The following ZNF41 variants were observed in gnomAD, a reference collection of about 807,000 sequenced individuals.
ZNF41 encodes zinc finger protein 41.
ZNF41 carries 6 observed loss-of-function variants against 9.3 expected under a neutral mutation model. That is an observed-to-expected ratio of 0.65 (90% CI 0.35 to 1.28). The LOEUF (loss-of-function observed/expected upper bound fraction) is 1.28. ZNF41 is among the 50% of genes most tolerant of loss of function. The pLI is 0.03. For missense variants in ZNF41, 523 were observed against 585.8 expected (o/e 0.89, Z 1.11); for synonymous variants, 192 against 207.1 (o/e 0.93, Z 0.63).
rs1057481267 is a variant in ZNF41, at chrX:47,446,868, T to G, written c.*562A>C. ...AAGAAAAAAGTTTTTCATGGAAATC[T>G]TTTCTATGTCTTAAGTGCCAATGAT... On this transcript the variant is annotated 3_prime_UTR_variant, in exon 5 of 5. Transcript: ENST00000684689. The G allele has an allele frequency of 2.7e-5, 3 of 112,625 alleles. No individual in the cohort carries two copies. The highest frequency in any genetic ancestry group is 9.8e-5 in the African/African-American group (3 of 30,739). 9.3% of individuals were successfully genotyped at this position (112,625 alleles called of 1,213,427 possible).
rs1411187228 is a variant in ZNF41 at position 47,445,981 on chromosome X, G to A, written c.*1449C>T. 1.8e-5 allele frequency: 2 copies of A among 111,165 alleles called. No individual in the cohort carries two copies. The highest frequency in any genetic ancestry group is 6.5e-5 in the African/African-American group (2 of 30,589). The allele number at this position is 111,165 out of a possible 1,213,427, so 9.2% of individuals were successfully genotyped here. On this transcript the variant is annotated 3_prime_UTR_variant, in exon 5 of 5. Transcript: ENST00000684689. ...GAAGCCAGGATAATGTATACCCTTGGGGGCTTGCCTGGAAGGGAAAGTGGG... is the reference window on the plus strand; with the variant it reads ...GAAGCCAGGATAATGTATACCCTTGAGGGCTTGCCTGGAAGGGAAAGTGGG...
intron 4 of ZNF41, among the ~76,000 whole-genome samples, chrX:47,452,883 C>G (rs1048600637): frequency 9.0e-6 from 1 of 111,704 alleles, no homozygotes; most frequent in East Asian, 2.8e-4. Context: ...TGAGCCACCA[C>G]GCCTGGCTGC....
chrX:47,475,722 C>T (rs973378766), intron 1 of ZNF41, among the ~76,000 whole-genome samples: 1 of 111,369 alleles, frequency 9.0e-6, no homozygotes, highest in African/African-American at 3.3e-5. Context: ...AGCTCCTACC[C>T]TATATACACC....
intron 1 of ZNF41, among the ~76,000 whole-genome samples, chrX:47,479,824 C>T (rs755131146): frequency 2.7e-5 from 3 of 111,325 alleles, no homozygotes; most frequent in Admixed American, 9.6e-5. Flanking sequence ...AGGCTGGGTG[C>T]GGTGGCTCAT....
chrX:47,456,129 A>G (rs1602867743), intron 3 of ZNF41, 113 bp from the exon 4 acceptor site: 1 of 1,056,534 alleles, frequency 9.5e-7, no homozygotes. Flanking sequence ...CTGGGAACAG[A>G]GTAATAATCA....
intron 2 of ZNF41, among the ~76,000 whole-genome samples, chrX:47,462,895 AT>A (rs1204365532): frequency 2.0e-4 from 18 of 91,779 alleles, no homozygotes; most frequent in East Asian, 3.4e-4. Flanking sequence ...TACCCGGCTG[AT>A]TTTTTTTTTG....
chrX:47,466,208 A>AT lies in ZNF41; in HGVS notation c.72+1201_72+1202insA, dbSNP rs199533354. Among the ~76,000 whole-genome samples the AT allele has an allele frequency of 5.7e-3, 635 of 110,688 alleles. 2 individuals are homozygous for AT. The highest frequency in any genetic ancestry group is 0.02 in the African/African-American group (608 of 30,406). ...AAGTTATAAAATGACCAAAAAAAAA[A>AT]ATTTAAAAGTTTAATATTATCCTAA... On this transcript the variant is annotated intron_variant, in intron 2 of 4. Transcript: ENST00000684689.
At chrX:47,453,861 C>A (rs753081320) in intron 4 of ZNF41, among the ~76,000 whole-genome samples, 53 of 111,441 alleles carry the variant, frequency 4.8e-4, no homozygotes, top group Non-Finnish European at 9.2e-4. Context: ...CACTTGAGGT[C>A]AGGAGATCGA....
intron 2 of ZNF41, chrX:47,467,201 C>A: frequency 1.2e-6 from 1 of 806,347 alleles, no homozygotes; most frequent in Non-Finnish European, 1.8e-6. Flanking sequence ...ATTACACTGT[C>A]CACTGAAACA....
At chrX:47,474,256 C>T (rs2057271744) in intron 1 of ZNF41, among the ~76,000 whole-genome samples, 1 of 111,241 alleles carries the variant, frequency 9.0e-6, no homozygotes, top group Non-Finnish European at 1.9e-5. Context: ...CACCTGAGAT[C>T]AGGAGTTTGA....
intron 1 of ZNF41, among the ~76,000 whole-genome samples, chrX:47,470,431 A>G (rs180793261): frequency 0.047 from 4,400 of 92,780 alleles, 170 homozygotes; most frequent in Admixed American, 0.13. Flanking sequence ...AAAAAAAAAA[A>G]GAGAAACACG....
chrX:47,468,259 A>G (rs2057057497), intron 1 of ZNF41, among the ~76,000 whole-genome samples: 1 of 111,529 alleles, frequency 9.0e-6, no homozygotes, highest in African/African-American at 3.3e-5. Context: ...CTATTGAGCC[A>G]TTTGGTACTC....
At chrX:47,477,849 C>T (rs765849519) in intron 1 of ZNF41, among the ~76,000 whole-genome samples, 125 of 112,570 alleles carry the variant, frequency 1.1e-3, no homozygotes, top group Middle Eastern at 4.6e-3. Flanking sequence ...TCCTGGGTAT[C>T]CACCCAAGAG....
chrX:47,467,851 G>T, intron 1 of ZNF41, 91 bp from the exon 2 acceptor site: 1 of 232,971 alleles, frequency 4.3e-6, no homozygotes, highest in Non-Finnish European at 7.7e-6. Flanking sequence ...AATGAATGAG[G>T]GTTTGTATTT....
At chrX:47,459,492 C>T (rs2056696603) in intron 2 of ZNF41, among the ~76,000 whole-genome samples, 1 of 109,841 alleles carries the variant, frequency 9.1e-6, no homozygotes, top group South Asian at 3.9e-4. Context: ...CCTGTAACCC[C>T]AGCACTTTGG....
chrX:47,452,988 A>C (rs1324213618), intron 4 of ZNF41, among the ~76,000 whole-genome samples: 1 of 112,617 alleles, frequency 8.9e-6, no homozygotes, highest in Non-Finnish European at 1.9e-5. Context: ...TAGGCTCTTC[A>C]TGTATACATA....
At chrX:47,469,305 C>T (rs1400013494) in intron 1 of ZNF41, among the ~76,000 whole-genome samples, 3 of 48,043 alleles carry the variant, frequency 6.2e-5, no homozygotes, top group African/African-American at 9.8e-5. Flanking sequence ...AGCGAGACTC[C>T]GTCTCAAAAA....
intron 2 of ZNF41, among the ~76,000 whole-genome samples, chrX:47,461,186 C>T (rs1422606693): frequency 9.5e-6 from 1 of 105,565 alleles, no homozygotes; most frequent in Non-Finnish European, 1.9e-5. Context: ...CAACCTCTAC[C>T]TCCCGGGTTC....
At chrX:47,466,662 C>A (rs898184834) in intron 2 of ZNF41, among the ~76,000 whole-genome samples, 2 of 111,405 alleles carry the variant, frequency 1.8e-5, no homozygotes, top group African/African-American at 6.5e-5. Context: ...GGATTACAGG[C>A]ATGTGCCACC....
Sources: gnomAD v4.1 joint callset for allele counts (sites outside exome capture counted in the v4.1 genomes callset) on GRCh38, gnomAD v4.1.1 for gene constraint, MANE v1.5 for transcripts, NCBI Gene and HGNC (gene_info 2026-07-23, HGNC 2026-07-21) for gene names.